SUN1: variants seen among roughly 807,000 people sequenced by gnomAD.
SUN1 encodes the protein SUN domain-containing protein 1.
SUN1 carries 61 observed loss-of-function variants against 103.2 expected under a neutral mutation model. The observed-to-expected ratio is 0.59, with a 90% CI of 0.48 to 0.73. The LOEUF (loss-of-function observed/expected upper bound fraction) is 0.73, where lower values mean the gene tolerates loss of function less well. Ranked by LOEUF, SUN1 falls within the 30% of genes least tolerant of loss-of-function variation. SUN1 has a pLI of 0.00. For synonymous variants in SUN1, 490 were observed against 425.7 expected (o/e 1.15, Z -1.86); for missense variants, 1,052 against 1,034.6 (o/e 1.02, Z -0.23).
rs773867360 is a variant in SUN1 at position 857,961 on chromosome 7, A to G, written c.1524+4A>G. 6.5e-7 allele frequency: 1 copy of G among 1,548,820 alleles called. No homozygotes were observed. The highest frequency in any genetic ancestry group is 8.8e-7 in the Non-Finnish European group (1 of 1,140,972). On this transcript the variant is annotated splice_donor_region_variant and intron_variant, in intron 13 of 18. Transcript: ENST00000401592. ...AGTGGATGCCGTACAAGAAAGAGTG[A>G]GCTTTCTGCATGTTTACTTTTTGTT...
chr7:817,261 A>ATAGTCGTATTTTTTGTAGGGTTGTGG (rs1781555270), intron 1 of SUN1: 2 of 691,876 alleles, frequency 2.9e-6, no homozygotes, highest in South Asian at 3.4e-5. Flanking sequence ...CGCCCGGCTG[A>ATAGTCGTATTTTTTGTAGGGTTGTGG]TAGTCGTATT....
intron 5 of SUN1, chr7:849,548 T>C: frequency 1.4e-6 from 2 of 1,395,778 alleles, no homozygotes; most frequent in Non-Finnish European, 1.9e-6. Context: ...GGAGAATGAA[T>C]GTGAGAGAGG....
rs1801868392 is a variant in SUN1, at chr7:835,199, C to G, written c.77+2598C>G. On this transcript the variant is annotated intron_variant, in intron 1 of 18. Coordinates refer to ENST00000401592, the MANE Select transcript of SUN1 (RefSeq NM_001130965.3). ...CCAGTGATGCATGCGGGTCTTCCGC[C>G]CCCACCCAGCACTTCGGAGCCTCTG... Among the ~76,000 whole-genome samples the G allele has an allele frequency of 2.6e-5, 4 of 152,370 alleles. No homozygotes were observed. The South Asian group carries it at 8.3e-4, about 32-fold the overall frequency.
At chr7:842,609 T>A (rs1254815760) in intron 3 of SUN1, 1 of 190,716 alleles carries the variant, frequency 5.2e-6, no homozygotes, top group Non-Finnish European at 1.2e-5. Context: ...CAGACTTGGC[T>A]GACGTGGAGT....
At position 823,338 on chromosome 7, in the gene SUN1, A is replaced by C. The variant is rs1382903503; in HGVS notation, c.-74+6665A>C. 2.6e-5 allele frequency among the ~76,000 whole-genome samples: 4 copies of C among 152,194 alleles called. No individual in the cohort carries two copies. In the East Asian group the frequency reaches 7.7e-4, roughly 29 times the overall value. ...AATTGACAGTAACTGGGGTAGGATG[A>C]GGCCCATGGGGGCTTCCTGGTGGTG... is the stretch of plus-strand genomic sequence containing the variant. On this transcript the variant is annotated intron_variant, in intron 1 of 17. Transcript: ENST00000389574.
intron 16 of SUN1, among the ~76,000 whole-genome samples, chr7:867,134 G>A (rs1837612501): frequency 6.6e-6 from 1 of 152,178 alleles, no homozygotes; most frequent in Non-Finnish European, 1.5e-5. Context: ...CTCGTCCCCA[G>A]GCTGCCCCGG....
At chr7:841,820 G>C in intron 2 of SUN1, 126 bp from the exon 3 acceptor site, 1 of 961,828 alleles carries the variant, frequency 1.0e-6, no homozygotes, top group South Asian at 1.7e-5. Context: ...AGCAGAAAAG[G>C]CATAGGAAAA....
intron 1 of SUN1, among the ~76,000 whole-genome samples, chr7:818,052 T>C (rs913529272): frequency 6.6e-6 from 1 of 152,022 alleles, no homozygotes; most frequent in Non-Finnish European, 1.5e-5. Context: ...ACTTCATAAA[T>C]GGAGTATCCT....
In SUN1 at chr7:853,396, C is replaced by G. The variant is rs761239679; in HGVS notation, c.1054-13C>G. The G allele has an allele frequency of 1.9e-6, 3 of 1,612,874 alleles. No individual in the cohort carries two copies. The highest frequency in any genetic ancestry group is 2.5e-6 in the Non-Finnish European group (3 of 1,180,008). On this transcript the variant is annotated splice_polypyrimidine_tract_variant and intron_variant, in intron 9 of 18. Coordinates refer to ENST00000401592, the MANE Select transcript of SUN1 (RefSeq NM_001130965.3). Reference sequence around the variant, plus strand: ...TTTGACTACCTGGTTTCATTTCTCTCTTGCCATTTCAGGGTGACAGTGAGG... The same window carrying G: ...TTTGACTACCTGGTTTCATTTCTCTGTTGCCATTTCAGGGTGACAGTGAGG...
chr7:871,333 A>G (rs1324965454), intron 17 of SUN1, among the ~76,000 whole-genome samples: 2 of 152,178 alleles, frequency 1.3e-5, no homozygotes, highest in Non-Finnish European at 2.9e-5. Context: ...TGTTACAGAC[A>G]TACTTTCCAT....
intron 1 of SUN1, among the ~76,000 whole-genome samples, chr7:822,529 G>T (rs4721501): frequency 0.2 from 29,827 of 152,114 alleles, 3,463 homozygotes; most frequent in African/African-American, 0.3. Context: ...CCCTTTGGTC[G>T]CTTTGTTCTC....
intron 2 of SUN1, among the ~76,000 whole-genome samples, chr7:841,487 C>T (rs991241739): frequency 3.9e-5 from 6 of 152,082 alleles, no homozygotes; most frequent in African/African-American, 1.2e-4. Flanking sequence ...CGTGATTTGC[C>T]CATTTCGGCC....
intron 4 of SUN1, 41 bp downstream of exon 4, chr7:843,273 A>G: frequency 6.2e-7 from 1 of 1,605,764 alleles, no homozygotes; most frequent in Non-Finnish European, 8.5e-7. Context: ...ACTTTTCAAA[A>G]TAGAAGTTTT....
intron 5 of SUN1, among the ~76,000 whole-genome samples, chr7:848,927 G>T (rs1819165534): frequency 6.6e-6 from 1 of 152,208 alleles, no homozygotes; most frequent in African/African-American, 2.4e-5. Context: ...CTTTACCTGA[G>T]TGGTATTTAG....
upstream of SUN1, chr7:830,858 G>C (rs1199401751): frequency 1.3e-6 from 1 of 780,152 alleles, no homozygotes; most frequent in Non-Finnish European, 1.6e-6. Flanking sequence ...GCTTTGGGTT[G>C]TTGCTCGGCA....
At chr7:841,142 A>G (rs1336828449) in intron 2 of SUN1, among the ~76,000 whole-genome samples, 2 of 151,708 alleles carry the variant, frequency 1.3e-5, no homozygotes, top group Non-Finnish European at 2.9e-5. Flanking sequence ...CATGTTGGTC[A>G]GGCTGGTCTT....
At chr7:849,600 C>T in intron 5 of SUN1, 1 of 1,467,526 alleles carries the variant, frequency 6.8e-7, no homozygotes, top group African/African-American at 1.4e-5. Flanking sequence ...TGGGGAAGCG[C>T]TGTGTAAGTA....
upstream of SUN1, among the ~76,000 whole-genome samples, chr7:829,853 C>G (rs573902281): frequency 6.6e-6 from 1 of 152,320 alleles, no homozygotes; most frequent in Non-Finnish European, 1.5e-5. Context: ...CGAGCCCGGC[C>G]ATAACTGTTC....
chr7:869,813 A>C (rs1355352473), intron 17 of SUN1, among the ~76,000 whole-genome samples: 1 of 152,148 alleles, frequency 6.6e-6, no homozygotes, highest in African/African-American at 2.4e-5. Flanking sequence ...TGGCAACTGG[A>C]TGACGTGGGA....
Sources: allele counts gnomAD v4.1 joint callset (sites outside exome capture counted in the v4.1 genomes callset), GRCh38; gene constraint gnomAD v4.1.1; transcripts MANE v1.5; gene names NCBI Gene and HGNC (gene_info 2026-07-23, HGNC 2026-07-21).